The following RARB variants were observed in gnomAD, a reference collection of about 807,000 sequenced individuals.
RARB encodes HBV-activated protein.
Under a neutral mutation model 51.9 loss-of-function variants are expected in RARB, and 17 were observed. That is an observed-to-expected ratio of 0.33 (90% CI 0.22 to 0.49). The LOEUF (loss-of-function observed/expected upper bound fraction) is 0.49, where lower values mean the gene tolerates loss of function less well. Among genes scored for constraint, RARB ranks in the 20% least tolerant of loss-of-function variants. The pLI, the probability that RARB is intolerant of heterozygous loss-of-function variation, is 0.99. For missense variants in RARB, 369 were observed against 550.8 expected, an observed-to-expected ratio of 0.67 and a Z score of 3.30; for synonymous variants, 215 against 195.4, an observed-to-expected ratio of 1.10 and a Z score of -0.84.
intron 1 of RARB, among the ~76,000 whole-genome samples, chr3:25,448,618 C>G (rs1351519320): frequency 6.6e-6 from 1 of 152,110 alleles, no homozygotes; most frequent in African/African-American, 2.4e-5. Context: ...CAGGCATGCA[C>G]CACCACACCC....
chr3:25,022,239 AC>A (rs770971794), intron 2 of RARB, among the ~76,000 whole-genome samples: 1 of 152,198 alleles, frequency 6.6e-6, no homozygotes, highest in Non-Finnish European at 1.5e-5. Flanking sequence ...TCCTTTGGCC[AC>A]CCTTGTCATT....
intron 4 of RARB, among the ~76,000 whole-genome samples, chr3:25,155,945 A>G (rs1015356617): frequency 1.3e-5 from 2 of 152,084 alleles, no homozygotes; most frequent in Non-Finnish European, 2.9e-5. Context: ...TTGAATTTCA[A>G]TGTATTGGGT....
chr3:25,314,718 C>A (rs145107168), intron 5 of RARB, among the ~76,000 whole-genome samples: 1 of 152,040 alleles, frequency 6.6e-6, no homozygotes, highest in Non-Finnish European at 1.5e-5. Context: ...ATTTTAGACT[C>A]AGGTGGGTAC....
At chr3:25,122,903 C>G (rs756273037) in intron 3 of RARB, among the ~76,000 whole-genome samples, 6 of 152,136 alleles carry the variant, frequency 3.9e-5, no homozygotes, top group African/African-American at 1.4e-4. Flanking sequence ...TCCTTTCCAT[C>G]GGGTCTGGAG....
intron 5 of RARB, among the ~76,000 whole-genome samples, chr3:25,282,045 G>C (rs1201461482): frequency 6.6e-6 from 1 of 152,180 alleles, no homozygotes; most frequent in African/African-American, 2.4e-5. Context: ...AATTAGATAA[G>C]AGCGAGTATA....
In RARB at chr3:25,129,852, A is replaced by G. The variant is rs558189562; in HGVS notation, c.-327-2309A>G. On this transcript the variant is annotated intron_variant, in intron 3 of 11. Transcript: ENST00000383772. ...CCTTTTGGTGCAGAGTGATGGAGGA[A>G]GAAGGTGATTAGAAATTGTTTAGGA... 7.9e-5 allele frequency among the ~76,000 whole-genome samples: 12 copies of G among 152,212 alleles called. No individual in the cohort carries two copies. In the East Asian group the frequency reaches 2.1e-3, roughly 27 times the overall value.
rs116469028 is a variant in RARB, at chr3:25,274,530, A to G, written c.178+99955A>G. Among the ~76,000 whole-genome samples the G allele has an allele frequency of 4.2e-3, 646 of 152,316 alleles. 9 individuals are homozygous for G. The highest frequency in any genetic ancestry group is 0.014 in the African/African-American group (595 of 41,576). The stretch of plus-strand genomic sequence containing the variant: ...AGTAAAAAGATGGGAAAACTAGTAC[A>G]AATTTCTGGAGCCTGGCTCCCTGGA... On this transcript the variant is annotated intron_variant, in intron 5 of 11. Coordinates refer to the RARB transcript ENST00000383772.
At chr3:25,560,426 ATCTC>A (rs1559467815) in intron 3 of RARB, among the ~76,000 whole-genome samples, 1 of 152,206 alleles carries the variant, frequency 6.6e-6, no homozygotes, top group East Asian at 1.9e-4. Flanking sequence ...CCATTTGTCT[ATCTC>A]TCTCAGATGT....
intron 5 of RARB, among the ~76,000 whole-genome samples, chr3:25,263,157 A>G (rs1419500394): frequency 6.6e-6 from 1 of 152,170 alleles, no homozygotes; most frequent in Non-Finnish European, 1.5e-5. Flanking sequence ...GATGGTAGTC[A>G]TGTAAGTTGC....
At chr3:25,403,858 A>C (rs1707331651) in intron 5 of RARB, among the ~76,000 whole-genome samples, 1 of 135,910 alleles carries the variant, frequency 7.4e-6, no homozygotes, top group Non-Finnish European at 1.5e-5. Context: ...AAAGATGCCA[A>C]GTGTCACAAG....
chr3:25,294,469 G>A (rs1045385489), intron 5 of RARB, among the ~76,000 whole-genome samples: 6 of 152,158 alleles, frequency 3.9e-5, no homozygotes, highest in African/African-American at 1.4e-4. Context: ...TCATACAGTT[G>A]ATGTAAGAGC....
intron 5 of RARB, among the ~76,000 whole-genome samples, chr3:25,180,611 G>A (rs1292254448): frequency 6.6e-6 from 1 of 152,212 alleles, no homozygotes; most frequent in Non-Finnish European, 1.5e-5. Context: ...ATATATCCCA[G>A]GAAGTCCCAC....
At chr3:25,046,720 G>A (rs1698224677) in intron 2 of RARB, among the ~76,000 whole-genome samples, 1 of 152,134 alleles carries the variant, frequency 6.6e-6, no homozygotes, top group Admixed American at 6.5e-5. Context: ...CTCCCAAAAT[G>A]CTGGCATTAC....
rs963343295 is a variant in RARB, at chr3:25,581,380, C to T, written c.786+658C>T. Among the ~76,000 whole-genome samples, 8 of 152,302 alleles carry T rather than the reference C, an allele frequency of 5.3e-5. No individual in the cohort carries two copies. In the East Asian group the frequency reaches 5.8e-4, roughly 11 times the overall value. On this transcript the variant is annotated intron_variant, in intron 5 of 7. Transcript: ENST00000330688. ...CTCCATGGGCCTCCCTGCGTACATA[C>T]GTCTAATGGGAGCTGCTCCCATCCA...
chr3:24,848,644 C>T (rs1426841647), intron 1 of RARB, among the ~76,000 whole-genome samples: 1 of 152,210 alleles, frequency 6.6e-6, no homozygotes, highest in African/African-American at 2.4e-5. Context: ...AGGTCTTTTG[C>T]TGTTTGCAAT....
At position 25,259,915 on chromosome 3, in the gene RARB, C is replaced by G. The variant is rs531056722; in HGVS notation, c.178+85340C>G. 1.0e-5 allele frequency: 10 copies of G among 985,286 alleles called. No individual in the cohort carries two copies. The South Asian group carries it at 4.7e-4, about 46-fold the overall frequency. 61.0% of individuals were successfully genotyped at this position (985,286 alleles called of 1,614,324 possible). A position where few individuals can be genotyped will look rare whatever the true frequency, so the allele number is the denominator to read the frequency against. On this transcript the variant is annotated intron_variant, in intron 5 of 11. Transcript: ENST00000383772. The stretch of plus-strand genomic sequence containing the variant: ...CAAGATTAGGGAAGGTTTTCTTTCT[C>G]AGGCTTTGTCTCTTTGGCATTCATG...
intron 5 of RARB, among the ~76,000 whole-genome samples, chr3:25,586,663 C>T (rs1486482497): frequency 2.6e-5 from 4 of 152,206 alleles, no homozygotes; most frequent in Non-Finnish European, 2.9e-5. Flanking sequence ...GCAAAAGTGA[C>T]GGCCTGTGTG....
chr3:25,139,184 C>A (rs1291140406), intron 4 of RARB, among the ~76,000 whole-genome samples: 1 of 152,050 alleles, frequency 6.6e-6, no homozygotes, highest in Admixed American at 6.6e-5. Context: ...TGATTAATAA[C>A]CCTACAATAG....
intron 2 of RARB, among the ~76,000 whole-genome samples, chr3:24,987,456 C>G (rs1696818294): frequency 6.6e-6 from 1 of 152,298 alleles, no homozygotes; most frequent in African/African-American, 2.4e-5. Flanking sequence ...TGGATGAAAT[C>G]TTTATCTTAA....
Sources: gnomAD v4.1 joint callset for allele counts (sites outside exome capture counted in the v4.1 genomes callset) on GRCh38, gnomAD v4.1.1 for gene constraint, MANE v1.5 for transcripts, NCBI Gene and HGNC (gene_info 2026-07-23, HGNC 2026-07-21) for gene names.